The following PTN variants were observed in gnomAD, a reference collection of about 807,000 sequenced individuals.
PTN encodes pleiotrophin.
PTN carries 18 observed loss-of-function variants against 24.1 expected under a neutral mutation model. The ratio of observed to expected loss-of-function variants is 0.75; its 90% CI spans 0.52 to 1.11. The LOEUF is 1.11. PTN is among the 50% of genes least tolerant of loss of function. The probability of loss-of-function intolerance (pLI) is 0.00; values close to 1 mark genes in which losing one functional copy is unlikely to be tolerated. For synonymous variants in PTN, 78 were observed against 68.6 expected (o/e 1.14, Z -0.67); for missense variants, 163 against 198.8 (o/e 0.82, Z 1.08).
At chr7:137,234,954 C>A (rs1390332780) in intron 4 of PTN, among the ~76,000 whole-genome samples, 1 of 151,896 alleles carries the variant, frequency 6.6e-6, no homozygotes, top group Non-Finnish European at 1.5e-5. Context: ...AATAGAAATA[C>A]AAAATGTGCA....
intron 1 of PTN, among the ~76,000 whole-genome samples, chr7:137,341,081 G>C (rs320722): frequency 0.39 from 58,930 of 151,978 alleles, 11,718 homozygotes; most frequent in South Asian, 0.47. Flanking sequence ...AACACCACAT[G>C]ACAAATAGGA....
chr7:137,308,363 G>T (rs1428424253), intron 1 of PTN, among the ~76,000 whole-genome samples: 1 of 152,124 alleles, frequency 6.6e-6, no homozygotes, highest in Non-Finnish European at 1.5e-5. Flanking sequence ...AATCAGTACA[G>T]AATGAATCCT....
At chr7:137,232,990 TTTATAGATTACCCAGTTCTGGG>T (rs1258299449) in intron 4 of PTN, among the ~76,000 whole-genome samples, 2 of 152,056 alleles carry the variant, frequency 1.3e-5, no homozygotes. Context: ...ACCTCTTTTC[TTTATAGATTACCCAGTTCTGGG>T]TATTTCTTCA....
intron 1 of PTN, among the ~76,000 whole-genome samples, chr7:137,260,588 T>C (rs1225676456): frequency 2.6e-5 from 4 of 152,142 alleles, no homozygotes; most frequent in Non-Finnish European, 2.9e-5. Context: ...TCCATCACTT[T>C]CTTTTTCTTG....
chr7:137,261,674 A>C (rs1809040846), intron 1 of PTN, among the ~76,000 whole-genome samples: 1 of 152,228 alleles, frequency 6.6e-6, no homozygotes, highest in Admixed American at 6.5e-5. Flanking sequence ...TTCAGAACGA[A>C]GACCCAAAGA....
intron 1 of PTN, among the ~76,000 whole-genome samples, chr7:137,327,681 C>A (rs1455698089): frequency 6.6e-6 from 1 of 152,090 alleles, no homozygotes; most frequent in Non-Finnish European, 1.5e-5. Flanking sequence ...CACCCTTTTC[C>A]ACTCCAGACC....
In PTN at chr7:137,254,154, T is replaced by C. The variant is rs527734061; in HGVS notation, c.116-517A>G. Among the ~76,000 whole-genome samples the C allele has an allele frequency of 7.2e-5, 11 of 152,028 alleles. No individual in the cohort carries two copies. In the South Asian group the frequency reaches 2.3e-3, roughly 32 times the overall value. On this transcript the variant is annotated intron_variant, in intron 2 of 4. Transcript: ENST00000348225. Reference sequence around the variant, plus strand: ...CTCTACTAAAAATACAAAAATTAGCTGGGCGTGGTGGTGCATGCCTGCAGC... The same window carrying C: ...CTCTACTAAAAATACAAAAATTAGCCGGGCGTGGTGGTGCATGCCTGCAGC...
At chr7:137,234,474 G>A (rs979571852) in intron 4 of PTN, among the ~76,000 whole-genome samples, 1 of 152,038 alleles carries the variant, frequency 6.6e-6, no homozygotes, top group South Asian at 2.1e-4. Context: ...TCACAGCAAA[G>A]TTACTCTTGA....
intron 1 of PTN, among the ~76,000 whole-genome samples, chr7:137,324,474 A>C (rs74299047): frequency 6.9e-6 from 1 of 145,494 alleles, no homozygotes; most frequent in Admixed American, 6.8e-5. Context: ...CTAAGCCCTC[A>C]TCTAAAAATT....
chr7:137,313,628 T>C (rs767210541), intron 1 of PTN, among the ~76,000 whole-genome samples: 1 of 152,206 alleles, frequency 6.6e-6, no homozygotes, highest in African/African-American at 2.4e-5. Flanking sequence ...CTTTCCCTTA[T>C]TATCAAATTC....
chr7:137,285,012 G>A (rs759025631), intron 1 of PTN, among the ~76,000 whole-genome samples: 9 of 151,956 alleles, frequency 5.9e-5, no homozygotes, highest in Non-Finnish European at 1.0e-4. Flanking sequence ...GTTTCACATT[G>A]GTTCATAGGA....
chr7:137,297,232 A>C (rs1294888344), intron 1 of PTN, among the ~76,000 whole-genome samples: 1 of 152,156 alleles, frequency 6.6e-6, no homozygotes, highest in East Asian at 1.9e-4. Context: ...TCACATAAGC[A>C]TAGTTAAATT....
intron 1 of PTN, among the ~76,000 whole-genome samples, chr7:137,333,166 C>G (rs1424553686): frequency 6.6e-6 from 1 of 152,112 alleles, no homozygotes; most frequent in Non-Finnish European, 1.5e-5. Context: ...GAGTCTGGTA[C>G]CTTCCTGTCT....
intron 1 of PTN, among the ~76,000 whole-genome samples, chr7:137,266,513 G>GT (rs34728809): frequency 0.32 from 48,400 of 151,196 alleles, 9,250 homozygotes; most frequent in African/African-American, 0.55. Context: ...TCTTCCACAT[G>GT]CTCAACTTTC....
intron 1 of PTN, among the ~76,000 whole-genome samples, chr7:137,258,681 T>C (rs112322339): frequency 0.011 from 1,695 of 152,310 alleles, 15 homozygotes; most frequent in Non-Finnish European, 0.017. Context: ...CTTGCTGTTG[T>C]AGTAAATACT....
At position 137,227,546 on chromosome 7, in the gene PTN, T is replaced by C. The variant is rs1187804765; in HGVS notation, c.*474A>G. On this transcript the variant is annotated 3_prime_UTR_variant, in exon 5 of 5. Transcript: ENST00000348225. Reference sequence around the variant, plus strand: ...ATTTTGCTGACTACATTTTAAAAAATCTATTGGCAGAAAACAAGATATTTT... The same window carrying C: ...ATTTTGCTGACTACATTTTAAAAAACCTATTGGCAGAAAACAAGATATTTT... The C allele has an allele frequency of 1.3e-5, 2 of 152,094 alleles. No individual in the cohort carries two copies. The highest frequency in any genetic ancestry group is 1.9e-4 in the East Asian group (1 of 5,148). The allele number at this position is 152,094 out of a possible 1,614,324, so 9.4% of individuals were successfully genotyped here.
Position 137,228,079 on chromosome 7 carries a change from T to A in PTN, c.452-4A>T, listed in dbSNP as rs768266514. On this transcript the variant is annotated splice_region_variant and splice_polypyrimidine_tract_variant and intron_variant, in intron 4 of 4. Coordinates refer to ENST00000348225, the MANE Select transcript of PTN (RefSeq NM_002825.7). ...TTTTTCTTCTTCTTAGATTCTGCTGTGATTACAAAAAAGAGAGACAGAAAG... is the reference window on the plus strand; with the variant it reads ...TTTTTCTTCTTCTTAGATTCTGCTGAGATTACAAAAAAGAGAGACAGAAAG... 4.6e-6 allele frequency: 7 copies of A among 1,525,254 alleles called. No individual in the cohort carries two copies. In the South Asian group the frequency reaches 7.9e-5, roughly 17 times the overall value. The allele number at this position is 1,525,254 out of a possible 1,614,324, so 94.5% of individuals were successfully genotyped here.
chr7:137,242,099 A>G (rs536213642), intron 4 of PTN, among the ~76,000 whole-genome samples: 11 of 152,298 alleles, frequency 7.2e-5, no homozygotes, highest in African/African-American at 2.4e-4. Flanking sequence ...AAAAGAATCT[A>G]TTTAGCTGGG....
intron 4 of PTN, chr7:137,236,198 A>G (rs1442570765): frequency 1.4e-6 from 1 of 702,342 alleles, no homozygotes; most frequent in Admixed American, 2.0e-5. Flanking sequence ...CCTCTCTACC[A>G]TCTTCTCAAA....
Sources: gnomAD v4.1 joint callset for allele counts (sites outside exome capture counted in the v4.1 genomes callset) on GRCh38, gnomAD v4.1.1 for gene constraint, MANE v1.5 for transcripts, NCBI Gene and HGNC (gene_info 2026-07-23, HGNC 2026-07-21) for gene names.